Variants in GASK1A observed in about 807,000 individuals in gnomAD.
GASK1A encodes Golgi-associated kinase 1A.
In GASK1A, 40 loss-of-function variants were observed where a neutral mutation model predicts 41.2. That is an observed-to-expected ratio of 0.97 (90% CI 0.75 to 1.27). GASK1A has a LOEUF of 1.27. Among genes scored for constraint, GASK1A ranks in the 50% most tolerant of loss-of-function variants. The pLI is 0.00. For missense variants in GASK1A, 678 were observed against 745.1 expected (o/e 0.91, Z 1.05); for synonymous variants, 316 against 307.1 (o/e 1.03, Z -0.30).
Position 42,979,610 on chromosome 3 carries a change from C to A in GASK1A, c.-33C>A, listed in dbSNP as rs2089269628. The A allele has an allele frequency of 3.2e-6, 4 of 1,241,844 alleles. No homozygotes were observed. Among genetic ancestry groups the A allele is most frequent in the Non-Finnish European group, 4.0e-6 (4 of 987,682 alleles). 76.9% of individuals were successfully genotyped at this position (1,241,844 alleles called of 1,614,324 possible). On this transcript the variant is annotated 5_prime_UTR_variant, in exon 1 of 5. Coordinates refer to ENST00000430121, the MANE Select transcript of GASK1A (RefSeq NM_001129908.3). ...GATGAGTCTGCGAGCCGGCTGAGCG[C>A]GCCGAGGAGCCGGCCGGGGCACCGC...
intron 1 of GASK1A, among the ~76,000 whole-genome samples, chr3:43,028,610 C>G (rs185465317): frequency 2.6e-5 from 4 of 152,168 alleles, no homozygotes; most frequent in Middle Eastern, 6.8e-3. Flanking sequence ...CTCCTAACCC[C>G]CCACCCCATG....
intron 2 of GASK1A, among the ~76,000 whole-genome samples, chr3:43,041,296 T>C (rs997311139): frequency 6.6e-6 from 1 of 152,086 alleles, no homozygotes; most frequent in African/African-American, 2.4e-5. Context: ...TGAGGAATCG[T>C]CACACTGACT....
chr3:43,051,493 T>C (rs1458176586), intron 2 of GASK1A, among the ~76,000 whole-genome samples: 2 of 152,204 alleles, frequency 1.3e-5, no homozygotes, highest in Non-Finnish European at 2.9e-5. Context: ...CTTAGGGTAT[T>C]TTCAGTTTTT....
At position 43,041,360 on chromosome 3, in the gene GASK1A, A is replaced by G. The variant is rs562824251; in HGVS notation, c.1290+7807A>G. Among the ~76,000 whole-genome samples, 485 of 152,104 alleles carry G rather than the reference A, an allele frequency of 3.2e-3. 6 individuals are homozygous for G. The highest frequency in any genetic ancestry group is 0.011 in the African/African-American group (447 of 41,492). The stretch of plus-strand genomic sequence containing the variant: ...CCACCAACAGTGTAAAAGTGTTCCT[A>G]TTTCTCCACATCCTCTCCAGCACCC... On this transcript the variant is annotated intron_variant, in intron 2 of 4. Coordinates refer to ENST00000430121, the MANE Select transcript of GASK1A (RefSeq NM_001129908.3).
At chr3:43,019,789 C>CA (rs1491184530) in intron 1 of GASK1A, among the ~76,000 whole-genome samples, 26 of 150,362 alleles carry the variant, frequency 1.7e-4, no homozygotes, top group African/African-American at 6.4e-4. Context: ...CACACACACA[C>CA]CCCATCACAT....
At chr3:43,039,946 T>C (rs138351436) in intron 2 of GASK1A, among the ~76,000 whole-genome samples, 2,399 of 152,300 alleles carry the variant, frequency 0.016, 59 homozygotes, top group African/African-American at 0.054. Context: ...TCCATTGTAG[T>C]ATATAATATT....
rs576397818 is a variant in GASK1A, at chr3:42,983,096, G to T, written c.3+3451G>T. 3.6e-3 allele frequency among the ~76,000 whole-genome samples: 551 copies of T among 152,306 alleles called. 4 individuals carry two copies. The highest frequency in any genetic ancestry group is 0.012 in the African/African-American group (517 of 41,568). ...CCCCATCATAGAATTGAGGGATGTG[G>T]TGTGGCTTGGAGTGGCAGAGGAAAG... On this transcript the variant is annotated intron_variant, in intron 1 of 4. Transcript: ENST00000430121.
chr3:43,033,332 C>T lies in GASK1A; in HGVS notation c.1069C>T (p.Pro357Ser). 6.4e-7 allele frequency: 1 copy of T among 1,551,220 alleles called. No homozygotes were observed. The highest frequency in any genetic ancestry group is 8.7e-7 in the Non-Finnish European group (1 of 1,146,758). Residue 357 changes from proline (P) to serine (S), a missense_variant, in exon 2 of 5, where the codon CCC (proline) becomes TCC (serine). Physicochemically the swap from Pro to Ser is moderately conservative, Grantham distance 74. Transcript: ENST00000430121. ...VARRFHSPLL[P>S]YRYTDGGARP... ...CCGCCGCTTCCATAGCCCCCTCCTG[C>T]CCTACCGATACACAGACGGTGGAGC... is the stretch of plus-strand genomic sequence containing the variant.
At chr3:42,997,436 G>GA (rs1169134868) in intron 1 of GASK1A, among the ~76,000 whole-genome samples, 2 of 113,002 alleles carry the variant, frequency 1.8e-5, no homozygotes, top group Non-Finnish European at 2.0e-5. Flanking sequence ...GAGACAGAGA[G>GA]AGGGGGGGGG....
Position 42,990,924 on chromosome 3 carries a change from G to C in GASK1A, c.3+11279G>C, listed in dbSNP as rs528532610. Among the ~76,000 whole-genome samples, 142 of 152,296 alleles carry C rather than the reference G, an allele frequency of 9.3e-4. 1 individual carries two copies. Among genetic ancestry groups the C allele is most frequent in the African/African-American group, 3.1e-3 (130 of 41,570 alleles). ...CCAAACCTGAATGAGCTCGAGGCTT[G>C]TGCCTGGGGGAACTATGGGCATGTA... On this transcript the variant is annotated intron_variant, in intron 1 of 4. Transcript: ENST00000430121.
chr3:43,005,116 A>G (rs1409056110), intron 1 of GASK1A, among the ~76,000 whole-genome samples: 1 of 152,072 alleles, frequency 6.6e-6, no homozygotes, highest in Admixed American at 6.6e-5. Flanking sequence ...TTCCCTCTTA[A>G]AAGGATACTT....
Position 43,055,549 on chromosome 3 carries a change from G to A in GASK1A, c.1517+14G>A. The stretch of plus-strand genomic sequence containing the variant: ...GGGCATAGATGGGTGAGGGTCAAAA[G>A]GGTTGGGTGGAAGTTCATGGGACTG... On this transcript the variant is annotated intron_variant, in intron 4 of 4. Coordinates refer to ENST00000430121, the MANE Select transcript of GASK1A (RefSeq NM_001129908.3). The A allele has an allele frequency of 6.5e-7, 1 of 1,540,820 alleles. No homozygotes were observed. The highest frequency in any genetic ancestry group is 8.8e-7 in the Non-Finnish European group (1 of 1,137,010).
At position 43,037,007 on chromosome 3, in the gene GASK1A, C is replaced by T. The variant is rs185796123; in HGVS notation, c.1290+3454C>T. The T allele has an allele frequency of 2.3e-3, 953 of 419,736 alleles. 5 individuals carry two copies. The highest frequency in any genetic ancestry group is 4.5e-3 in the Admixed American group (123 of 27,260). The allele number at this position is 419,736 out of a possible 1,614,324, so 26.0% of individuals were successfully genotyped here. On this transcript the variant is annotated intron_variant, in intron 2 of 4. Coordinates refer to ENST00000430121, the MANE Select transcript of GASK1A (RefSeq NM_001129908.3). Reference sequence around the variant, plus strand: ...GAGTTCATGGTAATTTATTACACAGCAATAGAAGACTAACACATGAGGCAA... The same window carrying T: ...GAGTTCATGGTAATTTATTACACAGTAATAGAAGACTAACACATGAGGCAA...
At chr3:43,037,344 G>A (rs2089609533) in intron 2 of GASK1A, 1 of 908,678 alleles carries the variant, frequency 1.1e-6, no homozygotes, top group East Asian at 2.4e-5. Context: ...CTTGAATAAT[G>A]ACTCTAAAAT....
chr3:43,030,871 A>G (rs910722501), intron 1 of GASK1A, among the ~76,000 whole-genome samples: 2 of 152,244 alleles, frequency 1.3e-5, no homozygotes, highest in Non-Finnish European at 1.5e-5. Flanking sequence ...GCAGGGGGCT[A>G]CTGAGGATGG....
intron 1 of GASK1A, among the ~76,000 whole-genome samples, chr3:43,004,132 T>C (rs2089423233): frequency 6.6e-6 from 1 of 152,108 alleles, no homozygotes; most frequent in Admixed American, 6.6e-5. Context: ...TGTTTGGGAG[T>C]GGCAGAATGA....
chr3:42,997,871 G>A (rs1336801229), intron 1 of GASK1A, among the ~76,000 whole-genome samples: 1 of 152,222 alleles, frequency 6.6e-6, no homozygotes, highest in East Asian at 1.9e-4. Flanking sequence ...GGCAGCCAGT[G>A]CAGGGTGCAT....
intron 1 of GASK1A, among the ~76,000 whole-genome samples, chr3:43,027,367 A>G (rs2089551588): frequency 6.6e-6 from 1 of 152,254 alleles, no homozygotes; most frequent in Non-Finnish European, 1.5e-5. Context: ...TGACACAAAT[A>G]TAAACAATTG....
chr3:43,036,255 G>C (rs972280406), intron 2 of GASK1A, among the ~76,000 whole-genome samples: 1 of 152,208 alleles, frequency 6.6e-6, no homozygotes, highest in Non-Finnish European at 1.5e-5. Flanking sequence ...CTGAATGCCA[G>C]TCAAGTCAAG....
Sources: gnomAD v4.1 joint callset for allele counts (sites outside exome capture counted in the v4.1 genomes callset) on GRCh38, gnomAD v4.1.1 for gene constraint, MANE v1.5 for transcripts, NCBI Gene and HGNC (gene_info 2026-07-23, HGNC 2026-07-21) for gene names.